ADAMTS19: variants seen among roughly 807,000 people sequenced by gnomAD.
ADAMTS19 encodes the protein A disintegrin and metalloproteinase with thrombospondin motifs 19.
A neutral mutation model predicts 153.3 loss-of-function variants in ADAMTS19; 93 were observed. That is an observed-to-expected ratio of 0.61 (90% CI 0.51 to 0.72). ADAMTS19 has a LOEUF of 0.72. Among genes scored for constraint, ADAMTS19 ranks in the 30% least tolerant of loss-of-function variants. ADAMTS19 has a pLI of 0.00. For synonymous variants in ADAMTS19, 600 were observed against 556.6 expected (o/e 1.08, Z -1.10); for missense variants, 1,482 against 1,552.1 (o/e 0.95, Z 0.76).
chr5:129,715,558 G>T (rs892064409), intron 21 of ADAMTS19, among the ~76,000 whole-genome samples: 2 of 152,298 alleles, frequency 1.3e-5, no homozygotes, highest in East Asian at 3.9e-4. Context: ...TTGAGTTTGA[G>T]AATTTTTTAT....
chr5:129,526,484 A>G, intron 4 of ADAMTS19, 28 bp downstream of exon 4: 1 of 1,567,490 alleles, frequency 6.4e-7, no homozygotes, highest in Non-Finnish European at 8.6e-7. Context: ...TGCGCTTGGA[A>G]TTTTTTCAAG....
intron 14 of ADAMTS19, among the ~76,000 whole-genome samples, chr5:129,658,319 AAGAAAGAAAG>A (rs1753646291): frequency 2.4e-5 from 2 of 84,600 alleles, no homozygotes; most frequent in Non-Finnish European, 4.9e-5. Flanking sequence ...AAAAGAAAGA[AAGAAAGAAAG>A]AAAGAAAGAA....
In ADAMTS19 at chr5:129,464,439, T is replaced by A. The variant is rs144330699; in HGVS notation, c.747+2682T>A. On this transcript the variant is annotated intron_variant, in intron 2 of 22. Transcript: ENST00000274487. ...TCAGGGAAAGCTTTCTTATTGTCAG[T>A]TGCAGAGAAGAGGGTAGTTCACTAA... Among the ~76,000 whole-genome samples the A allele has an allele frequency of 2.8e-3, 423 of 152,336 alleles. 1 individual carries two copies. Among genetic ancestry groups the A allele is most frequent in the African/African-American group, 9.8e-3 (409 of 41,582 alleles).
intron 9 of ADAMTS19, among the ~76,000 whole-genome samples, chr5:129,620,979 G>T (rs1751753762): frequency 6.6e-6 from 1 of 152,036 alleles, no homozygotes; most frequent in Non-Finnish European, 1.5e-5. Context: ...GGACAGTTAA[G>T]ATTATTTGTA....
At chr5:129,699,427 A>T (rs1293336341) in intron 19 of ADAMTS19, among the ~76,000 whole-genome samples, 3 of 151,702 alleles carry the variant, frequency 2.0e-5, no homozygotes, top group African/African-American at 7.3e-5. Flanking sequence ...CATCTCAAAA[A>T]AAAAAAAAAA....
intron 16 of ADAMTS19, among the ~76,000 whole-genome samples, chr5:129,672,577 A>G (rs1754352410): frequency 6.6e-6 from 1 of 152,152 alleles, no homozygotes; most frequent in Admixed American, 6.5e-5. Context: ...AAGAACTACA[A>G]CTTCATTGTG....
rs375244715 is a variant in ADAMTS19, at chr5:129,543,533, C to T, written c.1329-8331C>T. 1.1e-4 allele frequency among the ~76,000 whole-genome samples: 17 copies of T among 152,246 alleles called. 1 individual carries two copies. The South Asian group carries it at 3.3e-3, about 30-fold the overall frequency. ...ATGTCTACTGTGTTTTAGGGAAAAC[C>T]TGCTCCCTTGCCAGTATAATGAGGT... On this transcript the variant is annotated intron_variant, in intron 6 of 22. Transcript: ENST00000274487.
At chr5:129,642,021 A>G in intron 11 of ADAMTS19, 61 bp downstream of exon 11, 4 of 1,014,574 alleles carry the variant, frequency 3.9e-6, no homozygotes, top group Non-Finnish European at 5.8e-6. Flanking sequence ...AGAATCTTGC[A>G]TTTTCTCTGC....
chr5:129,664,954 C>T (rs1753975701), intron 15 of ADAMTS19, among the ~76,000 whole-genome samples: 1 of 152,124 alleles, frequency 6.6e-6, no homozygotes, highest in Non-Finnish European at 1.5e-5. Context: ...CCCTAGATTG[C>T]TTGGCGCGAC....
intron 18 of ADAMTS19, among the ~76,000 whole-genome samples, chr5:129,684,867 G>A (rs1755008501): frequency 6.6e-6 from 1 of 151,944 alleles, no homozygotes; most frequent in South Asian, 2.1e-4. Flanking sequence ...GGCGCCTGTA[G>A]TCCCAGCTAG....
intron 16 of ADAMTS19, among the ~76,000 whole-genome samples, chr5:129,672,716 G>A (rs1246788972): frequency 1.3e-5 from 2 of 152,132 alleles, no homozygotes; most frequent in African/African-American, 4.8e-5. Context: ...ACCCTCATAT[G>A]GGTTTGCAGC....
At chr5:129,676,585 A>G (rs530880474) in intron 16 of ADAMTS19, among the ~76,000 whole-genome samples, 1 of 152,202 alleles carries the variant, frequency 6.6e-6, no homozygotes, top group Admixed American at 6.5e-5. Context: ...TCTCTTAGGG[A>G]TCGCAGTTCT....
At chr5:129,665,379 G>A (rs184260208) in intron 15 of ADAMTS19, 120 bp from the exon 16 acceptor site, 38 of 704,734 alleles carry the variant, frequency 5.4e-5, no homozygotes, top group Non-Finnish European at 6.3e-5. Context: ...TTTTCTTTAC[G>A]TAAGTACTGA....
intron 8 of ADAMTS19, among the ~76,000 whole-genome samples, chr5:129,619,554 A>C (rs1044492930): frequency 3.3e-5 from 5 of 152,056 alleles, no homozygotes; most frequent in African/African-American, 1.2e-4. Flanking sequence ...AAAGAGCTGG[A>C]AATTGTCTTA....
chr5:129,720,856 T>C (rs529813828), intron 21 of ADAMTS19, among the ~76,000 whole-genome samples: 9 of 152,326 alleles, frequency 5.9e-5, no homozygotes, highest in African/African-American at 2.2e-4. Context: ...CAGACAACAA[T>C]AGTCTTTGGT....
At chr5:129,497,979 A>G (rs145454797) in intron 2 of ADAMTS19, among the ~76,000 whole-genome samples, 5 of 152,146 alleles carry the variant, frequency 3.3e-5, no homozygotes, top group African/African-American at 4.8e-5. Flanking sequence ...TTTGCTTCCA[A>G]TTACACTTCA....
At chr5:129,735,147 T>C in intron 22 of ADAMTS19, 38 bp downstream of exon 22, 2 of 1,491,070 alleles carry the variant, frequency 1.3e-6, no homozygotes, top group Non-Finnish European at 1.8e-6. Context: ...TTGAAAAACA[T>C]AGAAATGCTT....
intron 2 of ADAMTS19, among the ~76,000 whole-genome samples, chr5:129,503,021 G>T (rs1751153450): frequency 6.6e-6 from 1 of 152,164 alleles, no homozygotes; most frequent in Non-Finnish European, 1.5e-5. Flanking sequence ...AGGCACAATG[G>T]CATTCTGGAA....
chr5:129,667,623 T>C (rs904692900), intron 16 of ADAMTS19, among the ~76,000 whole-genome samples: 1 of 151,948 alleles, frequency 6.6e-6, no homozygotes, highest in South Asian at 2.1e-4. Context: ...GCTCCCTCTC[T>C]CCCCATGTGA....
Sources: gnomAD v4.1 joint callset for allele counts (sites outside exome capture counted in the v4.1 genomes callset) on GRCh38, gnomAD v4.1.1 for gene constraint, MANE v1.5 for transcripts, NCBI Gene and HGNC (gene_info 2026-07-23, HGNC 2026-07-21) for gene names.